The following SGK1 variants were observed in gnomAD, a reference collection of about 807,000 sequenced individuals.
SGK1 encodes serine/threonine-protein kinase Sgk1.
Under a neutral mutation model 64.2 loss-of-function variants are expected in SGK1, and 26 were observed. That is an observed-to-expected ratio of 0.40 (90% CI 0.30 to 0.56). The LOEUF (loss-of-function observed/expected upper bound fraction) is 0.56, where lower values mean the gene tolerates loss of function less well. Among genes scored for constraint, SGK1 ranks in the 20% least tolerant of loss-of-function variants. The pLI is 0.38. For synonymous variants in SGK1, 265 were observed against 239.7 expected, an observed-to-expected ratio of 1.11 and a Z score of -0.98; for missense variants, 519 against 645.6, an observed-to-expected ratio of 0.80 and a Z score of 2.12.
At chr6:134,173,627 C>G in intron 5 of SGK1, 61 bp from the exon 6 acceptor site, 1 of 1,147,838 alleles carries the variant, frequency 8.7e-7, no homozygotes, top group Non-Finnish European at 1.3e-6. Flanking sequence ...ACATCTATAA[C>G]ATAAACGATG....
intron 1 of SGK1, among the ~76,000 whole-genome samples, chr6:134,306,473 G>A (rs1386458132): frequency 6.6e-6 from 1 of 152,032 alleles, no homozygotes; most frequent in East Asian, 1.9e-4. Context: ...GTTATGGAGG[G>A]ACACAATCCA....
chr6:134,268,590 G>A (rs920919397), intron 1 of SGK1, among the ~76,000 whole-genome samples: 1 of 146,328 alleles, frequency 6.8e-6, no homozygotes, highest in African/African-American at 2.4e-5. Flanking sequence ...GGGCGTAGTG[G>A]AGGGTGCCTG....
intron 2 of SGK1, among the ~76,000 whole-genome samples, chr6:134,232,471 G>GAA (rs67172532): frequency 7.7e-5 from 1 of 12,994 alleles, no homozygotes; most frequent in Non-Finnish European, 2.4e-4. Flanking sequence ...AAGAAAGAAA[G>GAA]AAAGAAAGAA....
intron 2 of SGK1, among the ~76,000 whole-genome samples, chr6:134,249,771 A>G (rs1205927004): frequency 1.3e-5 from 2 of 152,240 alleles, no homozygotes; most frequent in Non-Finnish European, 2.9e-5. Context: ...ACCCTGTTAC[A>G]TAGGTGGTCA....
At chr6:134,189,205 G>GGTGTGTGT (rs71545087) in intron 3 of SGK1, among the ~76,000 whole-genome samples, 10 of 148,124 alleles carry the variant, frequency 6.8e-5, no homozygotes, top group African/African-American at 2.2e-4. Context: ...CTTTTATACA[G>GGTGTGTGT]GTGTGTGTGT....
At chr6:134,234,634 T>C (rs1485959125) in intron 2 of SGK1, among the ~76,000 whole-genome samples, 1 of 152,084 alleles carries the variant, frequency 6.6e-6, no homozygotes, top group Non-Finnish European at 1.5e-5. Flanking sequence ...TCCCAGTATT[T>C]GGGAGGCCGG....
At chr6:134,262,449 T>C (rs1776781367) in intron 1 of SGK1, among the ~76,000 whole-genome samples, 1 of 151,994 alleles carries the variant, frequency 6.6e-6, no homozygotes, top group Non-Finnish European at 1.5e-5. Context: ...ATTTTTTTCT[T>C]TTTAGAGATA....
chr6:134,174,595 G>A lies in SGK1; in HGVS notation c.362-9C>T. The A allele has an allele frequency of 1.9e-6, 3 of 1,612,888 alleles. No homozygotes were observed. The highest frequency in any genetic ancestry group is 2.5e-6 in the Non-Finnish European group (3 of 1,178,844). On this transcript the variant is annotated splice_polypyrimidine_tract_variant and intron_variant, in intron 3 of 13. Coordinates refer to ENST00000367858, the MANE Select transcript of SGK1 (RefSeq NM_001143676.3). ...CCTCTGCTTCATGAAAGCTGTGGAT[G>A]AAGGAGGAGAAATAAAGAAACGTTT... is the stretch of plus-strand genomic sequence containing the variant.
chr6:134,276,578 T>C (rs1777020369), intron 1 of SGK1, among the ~76,000 whole-genome samples: 1 of 152,172 alleles, frequency 6.6e-6, no homozygotes, highest in African/African-American at 2.4e-5. Flanking sequence ...ATTCTAAATG[T>C]TAGCATGATC....
chr6:134,247,008 AT>A (rs199615264), intron 2 of SGK1, among the ~76,000 whole-genome samples: 2,457 of 147,640 alleles, frequency 0.017, 60 homozygotes, highest in African/African-American at 0.054. Flanking sequence ...CCAGTGATTT[AT>A]TTTTTTTTTT....
At chr6:134,183,876 T>C (rs1282450841) in intron 3 of SGK1, among the ~76,000 whole-genome samples, 1 of 77,238 alleles carries the variant, frequency 1.3e-5, no homozygotes, top group Non-Finnish European at 2.5e-5. Context: ...ACCCCCGGCA[T>C]TGGATCCTTC....
At chr6:134,315,296 A>C (rs762351984) in intron 1 of SGK1, among the ~76,000 whole-genome samples, 90 of 152,318 alleles carry the variant, frequency 5.9e-4, no homozygotes, top group Admixed American at 1.1e-3. Flanking sequence ...TTGAGGAGTA[A>C]GGAGAGCGCA....
intron 1 of SGK1, among the ~76,000 whole-genome samples, chr6:134,274,941 A>AT (rs1776998178): frequency 6.6e-6 from 1 of 152,016 alleles, no homozygotes; most frequent in Non-Finnish European, 1.5e-5. Flanking sequence ...AGTAACTGGG[A>AT]TTACAGGCCT....
chr6:134,288,619 T>C (rs1219523742), intron 1 of SGK1, among the ~76,000 whole-genome samples: 2 of 152,188 alleles, frequency 1.3e-5, no homozygotes, highest in African/African-American at 4.8e-5. Context: ...GGAGCCTCTG[T>C]GAATCATAAG....
intron 1 of SGK1, among the ~76,000 whole-genome samples, chr6:134,289,697 T>A (rs898996673): frequency 6.6e-6 from 1 of 152,106 alleles, no homozygotes; most frequent in Non-Finnish European, 1.5e-5. Flanking sequence ...TGCTCAATAG[T>A]CACATGTAGC....
intron 3 of SGK1, chr6:134,177,763 AT>A (rs1262761914): frequency 6.2e-7 from 1 of 1,613,842 alleles, no homozygotes; most frequent in Non-Finnish European, 8.5e-7. Flanking sequence ...GAGCCCAGTT[AT>A]GGCTGGAATA....
intron 1 of SGK1, among the ~76,000 whole-genome samples, chr6:134,305,015 C>T (rs1379742559): frequency 6.6e-6 from 1 of 152,122 alleles, no homozygotes; most frequent in African/African-American, 2.4e-5. Flanking sequence ...CTACATGGAT[C>T]CCTTTACAGG....
chr6:134,221,165 G>A (rs956286929), intron 2 of SGK1, among the ~76,000 whole-genome samples: 13 of 151,708 alleles, frequency 8.6e-5, no homozygotes, highest in East Asian at 3.9e-4. Flanking sequence ...TTAGCTGGGC[G>A]TGGTAGTGGG....
chr6:134,235,113 G>A (rs911485509), intron 2 of SGK1, among the ~76,000 whole-genome samples: 7 of 152,280 alleles, frequency 4.6e-5, no homozygotes, highest in East Asian at 3.9e-4. Context: ...TATAAAACAA[G>A]GGAAACAGGC....
Sources: allele counts gnomAD v4.1 joint callset (sites outside exome capture counted in the v4.1 genomes callset), GRCh38; gene constraint gnomAD v4.1.1; transcripts MANE v1.5; gene names NCBI Gene and HGNC (gene_info 2026-07-23, HGNC 2026-07-21).